SLIT3: variants seen among roughly 807,000 people sequenced by gnomAD.
The protein encoded by SLIT3 is slit homolog 3 protein.
In SLIT3, 68 loss-of-function variants were observed where a neutral mutation model predicts 184.0. The observed-to-expected ratio is 0.37, with a 90% confidence interval of 0.30 to 0.45. SLIT3 has a LOEUF of 0.45. SLIT3 is among the 20% of genes least tolerant of loss of function. SLIT3 has a pLI of 1.00. For missense variants in SLIT3, 1,707 were observed against 2,026.0 expected, an observed-to-expected ratio of 0.84 and a Z score of 3.02; for synonymous variants, 831 against 828.6, an observed-to-expected ratio of 1.00 and a Z score of -0.05.
intron 4 of SLIT3, among the ~76,000 whole-genome samples, chr5:169,061,867 C>T (rs1313245666): frequency 1.3e-5 from 2 of 151,580 alleles, no homozygotes; most frequent in African/African-American, 4.9e-5. Flanking sequence ...GAATCATTCC[C>T]CACCCCACTC....
At chr5:168,915,036 G>C (rs1358456800) in intron 4 of SLIT3, among the ~76,000 whole-genome samples, 1 of 152,052 alleles carries the variant, frequency 6.6e-6, no homozygotes, top group African/African-American at 2.4e-5. Flanking sequence ...TGTGAAAGCA[G>C]GCAATACGTA....
At chr5:169,120,619 C>T (rs776524367) in intron 4 of SLIT3, among the ~76,000 whole-genome samples, 5 of 152,148 alleles carry the variant, frequency 3.3e-5, no homozygotes, top group Admixed American at 6.6e-5. Context: ...CAGTTTGTGT[C>T]GCTTTATGCC....
At chr5:169,186,756 G>A (rs984654301) in intron 4 of SLIT3, among the ~76,000 whole-genome samples, 11 of 152,308 alleles carry the variant, frequency 7.2e-5, no homozygotes, top group African/African-American at 7.2e-5. Flanking sequence ...AAGAGGCGGC[G>A]CAGACTAGCC....
rs138962001 is a variant in SLIT3 at position 168,929,211 on chromosome 5, C to T, written c.414-45875G>A. 6.8e-3 allele frequency among the ~76,000 whole-genome samples: 1,029 copies of T among 152,182 alleles called. 12 individuals are homozygous for T. The highest frequency in any genetic ancestry group is 0.023 in the African/African-American group (974 of 41,506). ...GCTTCCCAACTCTACCTTAAACCAT[C>T]GGATAAACCATTTTACCCCCAAGTG... On this transcript the variant is annotated intron_variant, in intron 4 of 35. Transcript: ENST00000519560.
intron 11 of SLIT3, among the ~76,000 whole-genome samples, chr5:168,786,331 GC>G (rs1159910374): frequency 6.6e-6 from 1 of 152,192 alleles, no homozygotes; most frequent in Non-Finnish European, 1.5e-5. Context: ...TGGGAGACTG[GC>G]CCTGTGTCTT....
At chr5:169,142,370 G>C (rs1761777000) in intron 4 of SLIT3, among the ~76,000 whole-genome samples, 1 of 152,140 alleles carries the variant, frequency 6.6e-6, no homozygotes, top group Non-Finnish European at 1.5e-5. Flanking sequence ...ATAAAGATAA[G>C]GCCCTGCCAA....
At position 168,817,317 on chromosome 5, in the gene SLIT3, T is replaced by C; in HGVS notation, c.776A>G (p.Lys259Arg). The C allele has an allele frequency of 6.2e-7, 1 of 1,614,174 alleles. No homozygotes were observed. The highest frequency in any genetic ancestry group is 8.5e-7 in the Non-Finnish European group (1 of 1,180,026). ...ATCCTCACCTGGGCACACGTACTCC[T>C]TCTTCTGCACATCCGCCACGTTGAA... ...RGFNVADVQK[K>R]EYVCPAPHSE... is the part of the protein sequence containing the mutation. Residue 259 changes from lysine to arginine, a missense_variant, in exon 8 of 36, where the codon AAG becomes AGG. Coordinates refer to ENST00000519560, the MANE Select transcript of SLIT3 (RefSeq NM_003062.4).
At chr5:169,276,798 A>G (rs972748873) in intron 1 of SLIT3, among the ~76,000 whole-genome samples, 4 of 152,252 alleles carry the variant, frequency 2.6e-5, no homozygotes, top group Non-Finnish European at 4.4e-5. Flanking sequence ...TGCGCTACAC[A>G]TAAGGTCTAG....
chr5:169,139,473 C>G (rs1435552063), intron 4 of SLIT3, among the ~76,000 whole-genome samples: 1 of 152,160 alleles, frequency 6.6e-6, no homozygotes, highest in Non-Finnish European at 1.5e-5. Context: ...ATCAAGAGGT[C>G]AGGGAGCATG....
At chr5:168,735,680 A>ACACAC (rs1227599727) in intron 20 of SLIT3, among the ~76,000 whole-genome samples, 1 of 149,076 alleles carries the variant, frequency 6.7e-6, no homozygotes, top group Non-Finnish European at 1.5e-5. Context: ...ACACACACAC[A>ACACAC]CACACACACA....
Position 168,662,498 on chromosome 5 carries a change from G to GCC in SLIT3, c.*3954_*3955dup. The GCC allele has an allele frequency of 6.6e-6, 1 of 152,006 alleles. No homozygotes were observed. Among genetic ancestry groups the GCC allele is most frequent in the East Asian group, 1.9e-4 (1 of 5,170 alleles). The allele number at this position is 152,006 out of a possible 1,614,324, so 9.4% of individuals were successfully genotyped here. On this transcript the variant is annotated 3_prime_UTR_variant, in exon 36 of 36. Coordinates refer to ENST00000519560, the MANE Select transcript of SLIT3 (RefSeq NM_003062.4). ...GAGCTTGGGAGTTATCCCTCTTCTT[G>GCC]CCCTTCTTCTCATCTTTTTGAAGCA...
chr5:169,104,090 T>A (rs1037733543), intron 4 of SLIT3, among the ~76,000 whole-genome samples: 1 of 152,242 alleles, frequency 6.6e-6, no homozygotes, highest in Non-Finnish European at 1.5e-5. Flanking sequence ...CACAACATGC[T>A]TCTCACTTAA....
At chr5:168,814,572 C>T (rs571150112) in intron 8 of SLIT3, among the ~76,000 whole-genome samples, 22 of 152,256 alleles carry the variant, frequency 1.4e-4, no homozygotes, top group African/African-American at 5.3e-4. Context: ...TAACCTCCTT[C>T]TCTAGGGCCT....
intron 15 of SLIT3, 95 bp downstream of exon 15, chr5:168,762,444 A>T (rs980775157): frequency 1.5e-6 from 2 of 1,359,686 alleles, no homozygotes; most frequent in Admixed American, 1.8e-5. Flanking sequence ...TGACTGAGCC[A>T]GGAAGGGGTC....
intron 4 of SLIT3, among the ~76,000 whole-genome samples, chr5:168,961,987 GT>G (rs1451675675): frequency 6.6e-6 from 1 of 152,076 alleles, no homozygotes; most frequent in African/African-American, 2.4e-5. Flanking sequence ...TTGTGACTGA[GT>G]CACAGAGCCT....
intron 10 of SLIT3, among the ~76,000 whole-genome samples, chr5:168,794,195 C>T (rs184469135): frequency 4.0e-3 from 608 of 152,250 alleles, no homozygotes; most frequent in Non-Finnish European, 6.1e-3. Flanking sequence ...GAAGCAGGAC[C>T]GAGTCCATGC....
chr5:168,722,899 G>C (rs755588361), intron 22 of SLIT3, 34 bp downstream of exon 22: 2 of 1,528,692 alleles, frequency 1.3e-6, no homozygotes, highest in South Asian at 2.2e-5. Flanking sequence ...CTAGGCCCAA[G>C]GGCATGGTAA....
At chr5:168,727,851 C>A (rs939986725) in intron 20 of SLIT3, among the ~76,000 whole-genome samples, 1 of 152,162 alleles carries the variant, frequency 6.6e-6, no homozygotes, top group Non-Finnish European at 1.5e-5. Flanking sequence ...AAGGGGAGGA[C>A]AAACTGTTGG....
chr5:169,196,879 T>TAA (rs1379730790), intron 3 of SLIT3, among the ~76,000 whole-genome samples: 1 of 151,990 alleles, frequency 6.6e-6, no homozygotes, highest in Non-Finnish European at 1.5e-5. Context: ...TGGAGGTCCC[T>TAA]AAGGCAAGAA....
Sources: allele counts gnomAD v4.1 joint callset (sites outside exome capture counted in the v4.1 genomes callset), GRCh38; gene constraint gnomAD v4.1.1; transcripts MANE v1.5; gene names NCBI Gene and HGNC (gene_info 2026-07-23, HGNC 2026-07-21).